KLHL1: variants seen among roughly 807,000 people sequenced by gnomAD.
The protein encoded by KLHL1 is kelch like family member 1, also known as kelch-like protein 1.
KLHL1 carries 47 observed loss-of-function variants against 77.7 expected under a neutral mutation model. That is an observed-to-expected ratio of 0.60 (90% CI 0.48 to 0.77). KLHL1 has a LOEUF of 0.77. Ranked by LOEUF, KLHL1 falls within the 30% of genes least tolerant of loss-of-function variation. The pLI, the probability that KLHL1 is intolerant of heterozygous loss-of-function variation, is 0.00. For missense variants in KLHL1, 925 were observed against 910.8 expected (o/e 1.02, Z -0.20); for synonymous variants, 360 against 325.2 (o/e 1.11, Z -1.15).
At chr13:69,819,118 T>C (rs927643437) in intron 6 of KLHL1, among the ~76,000 whole-genome samples, 1 of 152,166 alleles carries the variant, frequency 6.6e-6, no homozygotes, top group Non-Finnish European at 1.5e-5. Context: ...TAGTGTAGCT[T>C]GTCCAGTTCA....
chr13:69,916,376 G>A (rs975748212), intron 4 of KLHL1, among the ~76,000 whole-genome samples: 13 of 152,158 alleles, frequency 8.5e-5, no homozygotes, highest in Non-Finnish European at 1.3e-4. Flanking sequence ...TCAAGAAAAT[G>A]TGGCACATAT....
At chr13:69,798,849 TC>T (rs1877247147) in intron 6 of KLHL1, among the ~76,000 whole-genome samples, 1 of 152,036 alleles carries the variant, frequency 6.6e-6, no homozygotes, top group East Asian at 1.9e-4. Context: ...AGGTGAATCA[TC>T]TGAGGTCAGG....
At chr13:70,066,446 A>C (rs2137411833) in intron 1 of KLHL1, among the ~76,000 whole-genome samples, 1 of 152,278 alleles carries the variant, frequency 6.6e-6, no homozygotes, top group African/African-American at 2.4e-5. Flanking sequence ...ATAGAATAAA[A>C]ATTTTGATGC....
chr13:69,999,150 G>T (rs987272608), intron 1 of KLHL1, among the ~76,000 whole-genome samples: 1 of 152,044 alleles, frequency 6.6e-6, no homozygotes, highest in Non-Finnish European at 1.5e-5. Context: ...ATATGTATAT[G>T]TATTATGTAT....
intron 7 of KLHL1, among the ~76,000 whole-genome samples, chr13:69,761,303 C>T (rs1368850284): frequency 6.6e-6 from 1 of 152,098 alleles, no homozygotes; most frequent in African/African-American, 2.4e-5. Context: ...TACAGGTCAG[C>T]ATTTACTTTA....
At chr13:70,001,791 A>G (rs1388051625) in intron 1 of KLHL1, among the ~76,000 whole-genome samples, 1 of 151,580 alleles carries the variant, frequency 6.6e-6, no homozygotes, top group Non-Finnish European at 1.5e-5. Flanking sequence ...GAAATCAAAA[A>G]TTATTTGATA....
In KLHL1 at chr13:69,796,804, A is replaced by AT. The variant is rs760984796; in HGVS notation, c.1572dup (p.Cys525MetfsTer28). The AT allele has an allele frequency of 1.1e-5, 18 of 1,614,076 alleles. No homozygotes were observed. Among genetic ancestry groups the AT allele is most frequent in the Non-Finnish European group, 1.4e-5 (17 of 1,180,028 alleles). On this transcript the variant is annotated frameshift_variant, in exon 7 of 11. Coordinates refer to ENST00000377844, the MANE Select transcript of KLHL1 (RefSeq NM_020866.3). LOFTEE classifies it high-confidence loss of function. ...CATGTCTTGGTTTTGGGATTGTAAC[A>AT]TTCAACAGTGTTCAATGTCTTTAAG...
At chr13:70,047,869 G>T (rs1886540517) in intron 1 of KLHL1, among the ~76,000 whole-genome samples, 1 of 152,144 alleles carries the variant, frequency 6.6e-6, no homozygotes, top group South Asian at 2.1e-4. Flanking sequence ...ACATATAAAG[G>T]GGGAAGTGCA....
At chr13:70,089,250 C>A (rs568122266) in intron 1 of KLHL1, among the ~76,000 whole-genome samples, 1 of 152,116 alleles carries the variant, frequency 6.6e-6, no homozygotes, top group Non-Finnish European at 1.5e-5. Flanking sequence ...CTTTACAATA[C>A]TTGGGCAACA....
intron 6 of KLHL1, among the ~76,000 whole-genome samples, chr13:69,814,899 T>C (rs1878052838): frequency 6.6e-6 from 1 of 151,934 alleles, no homozygotes; most frequent in Non-Finnish European, 1.5e-5. Flanking sequence ...TAGTCCCAGC[T>C]ACTCGGGAGG....
intron 4 of KLHL1, among the ~76,000 whole-genome samples, chr13:69,890,835 AAAAC>A (rs1369406487): frequency 2.0e-5 from 3 of 152,066 alleles, no homozygotes; most frequent in Non-Finnish European, 4.4e-5. Context: ...TAGAAATGAT[AAAAC>A]AACAATCAGC....
Position 69,859,535 on chromosome 13 carries a change from T to A in KLHL1, c.1228-20373A>T, listed in dbSNP as rs567460970. On this transcript the variant is annotated intron_variant, in intron 5 of 10. Coordinates refer to ENST00000377844, the MANE Select transcript of KLHL1 (RefSeq NM_020866.3). ...AGGATATGCTAAAAAGGTTCCCGCA[T>A]TTTCACCATAGTTCGAGTTCTCTGA... 2.0e-5 allele frequency among the ~76,000 whole-genome samples: 3 copies of A among 152,186 alleles called. No individual in the cohort carries two copies. The South Asian group carries it at 6.2e-4, about 32-fold the overall frequency.
At position 69,734,229 on chromosome 13, in the gene KLHL1, C is replaced by T. The variant is rs1380416777; in HGVS notation, c.1802+6165G>A. On this transcript the variant is annotated intron_variant, in intron 8 of 10. Transcript: ENST00000377844. ...CACCTCCCACCTGGATCTTTTGCTCCGACTTTCACCATGTGATGTGCCTGC... is the reference window on the plus strand; with the variant it reads ...CACCTCCCACCTGGATCTTTTGCTCTGACTTTCACCATGTGATGTGCCTGC... Among the ~76,000 whole-genome samples the T allele has an allele frequency of 4.6e-5, 7 of 152,064 alleles. No homozygotes were observed. The East Asian group carries it at 7.7e-4, about 17-fold the overall frequency.
intron 6 of KLHL1, among the ~76,000 whole-genome samples, chr13:69,812,329 T>C (rs1051711594): frequency 6.6e-6 from 1 of 152,190 alleles, no homozygotes; most frequent in Non-Finnish European, 1.5e-5. Context: ...TAATTCAAGA[T>C]GGATTAAAGA....
At chr13:69,837,119 A>G (rs1444751848) in intron 6 of KLHL1, among the ~76,000 whole-genome samples, 1 of 151,896 alleles carries the variant, frequency 6.6e-6, no homozygotes, top group Non-Finnish European at 1.5e-5. Flanking sequence ...ACTTGGTAAT[A>G]TTATAAATTC....
At chr13:69,781,726 T>C (rs962755728) in intron 7 of KLHL1, among the ~76,000 whole-genome samples, 1 of 152,208 alleles carries the variant, frequency 6.6e-6, no homozygotes, top group African/African-American at 2.4e-5. Context: ...TCACTCATTG[T>C]TTTTCTGATT....
chr13:70,005,153 A>C (rs1477223804), intron 1 of KLHL1, among the ~76,000 whole-genome samples: 10 of 151,896 alleles, frequency 6.6e-5, no homozygotes, highest in African/African-American at 2.4e-4. Context: ...CTCAATTTAA[A>C]TTATGTGGTT....
At chr13:69,708,084 C>T (rs1875708171) in intron 9 of KLHL1, among the ~76,000 whole-genome samples, 1 of 151,874 alleles carries the variant, frequency 6.6e-6, no homozygotes, top group Non-Finnish European at 1.5e-5. Flanking sequence ...ATATAAATAA[C>T]TATTATCCAC....
chr13:70,103,707 T>C (rs1216879891), intron 1 of KLHL1, among the ~76,000 whole-genome samples: 1 of 152,182 alleles, frequency 6.6e-6, no homozygotes, highest in Non-Finnish European at 1.5e-5. Context: ...TATTGACCAA[T>C]GTGACCCTGG....
Sources: allele counts gnomAD v4.1 joint callset (sites outside exome capture counted in the v4.1 genomes callset), GRCh38; gene constraint gnomAD v4.1.1; transcripts MANE v1.5; gene names NCBI Gene and HGNC (gene_info 2026-07-23, HGNC 2026-07-21).